The following AHCYL2 variants were observed in gnomAD, a reference collection of about 807,000 sequenced individuals.
The protein encoded by AHCYL2 is adenosylhomocysteinase like 2, also known as S-adenosylhomocysteine hydrolase-like protein 2.
AHCYL2 carries 28 observed loss-of-function variants against 81.4 expected under a neutral mutation model. The ratio of observed to expected loss-of-function variants is 0.34; its 90% CI spans 0.25 to 0.47. The LOEUF (loss-of-function observed/expected upper bound fraction) is 0.47, where lower values mean the gene tolerates loss of function less well. Among genes scored for constraint, AHCYL2 ranks in the 20% least tolerant of loss-of-function variants. The pLI is 1.00. For missense variants in AHCYL2, 551 were observed against 785.1 expected, an observed-to-expected ratio of 0.70 and a Z score of 3.56; for synonymous variants, 272 against 290.2, an observed-to-expected ratio of 0.94 and a Z score of 0.64.
rs1316934693 is a variant in AHCYL2, at chr7:129,344,916, A to G, written c.364-34722A>G. Among the ~76,000 whole-genome samples the G allele has an allele frequency of 3.9e-5, 6 of 152,204 alleles. 1 individual carries two copies. The highest frequency in any genetic ancestry group is 3.9e-4 in the Admixed American group (6 of 15,278). ...ACACCTGTAATCCCAGCACTTTGGG[A>G]GGCCGAGGCGGGTGGATCACCTGAG... On this transcript the variant is annotated intron_variant, in intron 1 of 16. Coordinates refer to ENST00000325006, the MANE Select transcript of AHCYL2 (RefSeq NM_015328.4).
intron 1 of AHCYL2, among the ~76,000 whole-genome samples, chr7:129,311,728 C>T (rs1278510854): frequency 6.6e-6 from 1 of 152,198 alleles, no homozygotes; most frequent in Admixed American, 6.5e-5. Flanking sequence ...CACACTGTCA[C>T]ATCTTACGTG....
At position 129,426,966 on chromosome 7, in the gene AHCYL2, A is replaced by C; in HGVS notation, c.1830-73A>C. The C allele has an allele frequency of 6.7e-7, 1 of 1,497,788 alleles. No homozygotes were observed. The highest frequency in any genetic ancestry group is 9.3e-7 in the Non-Finnish European group (1 of 1,078,050). The allele number at this position is 1,497,788 out of a possible 1,614,324, so 92.8% of individuals were successfully genotyped here. ...GTCTCTGCCTCCCTGTTACACCTTT[A>C]GGCAGGCTCTTCATGTCCCAGCATC... On this transcript the variant is annotated intron_variant, in intron 16 of 16. Coordinates refer to ENST00000325006, the MANE Select transcript of AHCYL2 (RefSeq NM_015328.4). This position sits in a 1 kb window ranked among gnomAD's most constrained non-coding sequence, Gnocchi z 4.3.
At chr7:129,327,482 T>C (rs1189649475) in intron 1 of AHCYL2, among the ~76,000 whole-genome samples, 11 of 152,306 alleles carry the variant, frequency 7.2e-5, no homozygotes. Context: ...AAAATATATA[T>C]CTGAGACGGA....
intron 1 of AHCYL2, among the ~76,000 whole-genome samples, chr7:129,274,424 A>G (rs1028075119): frequency 2.6e-5 from 4 of 152,178 alleles, no homozygotes; most frequent in African/African-American, 9.7e-5. Flanking sequence ...GTCTTAGAAG[A>G]GGGTGAGTGT....
Position 129,426,778 on chromosome 7 carries a change from T to G in AHCYL2, c.1829+215T>G, listed in dbSNP as rs148472450. ...TGGAGATAGAGAGGTGGAGTTTGGG[T>G]AAGTGGCTATTTGCCTCATTAAATA... On this transcript the variant is annotated intron_variant, in intron 16 of 16. Transcript: ENST00000325006. This position sits in a 1 kb window ranked among gnomAD's most constrained non-coding sequence, Gnocchi z 4.3. Among the ~76,000 whole-genome samples, 168 of 127,252 alleles carry G rather than the reference T, an allele frequency of 1.3e-3. 2 individuals are homozygous for G. The East Asian group carries it at 0.019, about 15-fold the overall frequency. The allele number at this position is 127,252 out of a possible 152,430, so 83.5% of individuals were successfully genotyped here. A position where few individuals can be genotyped will look rare whatever the true frequency, so the allele number is the denominator to read the frequency against.
chr7:129,289,353 G>A (rs1796754306), intron 1 of AHCYL2, among the ~76,000 whole-genome samples: 1 of 152,208 alleles, frequency 6.6e-6, no homozygotes, highest in South Asian at 2.1e-4. Flanking sequence ...TGGCCTCTCC[G>A]AGTGTTGAGA....
intron 1 of AHCYL2, among the ~76,000 whole-genome samples, chr7:129,248,858 T>C (rs1437126425): frequency 2.0e-5 from 3 of 152,202 alleles, no homozygotes; most frequent in African/African-American, 7.2e-5. Context: ...TCTTTAGCAG[T>C]ATTTTGTACT....
At chr7:129,369,192 A>G (rs1794251162) in intron 1 of AHCYL2, among the ~76,000 whole-genome samples, 1 of 145,302 alleles carries the variant, frequency 6.9e-6, no homozygotes, top group African/African-American at 2.7e-5. Context: ...ATATAAACCT[A>G]TTATATTGGA....
At chr7:129,243,018 C>CTTTTTTTTT (rs769701638) in intron 1 of AHCYL2, among the ~76,000 whole-genome samples, 1 of 125,592 alleles carries the variant, frequency 8.0e-6, no homozygotes, top group Non-Finnish European at 1.7e-5. Context: ...TATTGTTTCT[C>CTTTTTTTTT]TTTTTTTTTT....
At chr7:129,285,903 G>C (rs1164104397) in intron 1 of AHCYL2, among the ~76,000 whole-genome samples, 1 of 151,546 alleles carries the variant, frequency 6.6e-6, no homozygotes, top group Non-Finnish European at 1.5e-5. Flanking sequence ...TAGAGGCAGG[G>C]GTCTCTCTTT....
rs376594441 is a variant in AHCYL2, at chr7:129,368,529, C to T, written c.364-11109C>T. ...TGGGACGGTAATGAGGGCACCTCAGCTTTTCACATGCCTGAGTGGATGGTG... is the reference window on the plus strand; with the variant it reads ...TGGGACGGTAATGAGGGCACCTCAGTTTTTCACATGCCTGAGTGGATGGTG... On this transcript the variant is annotated intron_variant, in intron 1 of 16. Transcript: ENST00000325006. This position sits in a 1 kb window ranked among gnomAD's most constrained non-coding sequence, Gnocchi z 4.4. 17 of 1,613,930 alleles carry T rather than the reference C, an allele frequency of 1.1e-5. No homozygotes were observed. Among genetic ancestry groups the T allele is most frequent in the Non-Finnish European group, 1.4e-5 (17 of 1,179,902 alleles).
chr7:129,334,255 G>A (rs1206087217), intron 1 of AHCYL2, among the ~76,000 whole-genome samples: 4 of 152,170 alleles, frequency 2.6e-5, no homozygotes, highest in African/African-American at 9.7e-5. Context: ...GTTCTAATCT[G>A]GGCTGTGGGA....
intron 1 of AHCYL2, among the ~76,000 whole-genome samples, chr7:129,298,473 G>C (rs919619404): frequency 5.9e-5 from 9 of 152,210 alleles, no homozygotes; most frequent in Non-Finnish European, 1.3e-4. Flanking sequence ...AATTCACTTG[G>C]CATTTCATGA....
In AHCYL2 at chr7:129,359,287, G is replaced by C. The variant is rs561885252; in HGVS notation, c.364-20351G>C. On this transcript the variant is annotated intron_variant, in intron 1 of 16. Transcript: ENST00000325006. Reference sequence around the variant, plus strand: ...GATGTTTATATCAGGTTCAAAAATAGGCAGAACTGATCAGTGGTGACAAGA... The same window carrying C: ...GATGTTTATATCAGGTTCAAAAATACGCAGAACTGATCAGTGGTGACAAGA... Among the ~76,000 whole-genome samples, 247 of 152,242 alleles carry C rather than the reference G, an allele frequency of 1.6e-3. 1 individual carries two copies. Among genetic ancestry groups the C allele is most frequent in the Admixed American group, 5.4e-3 (82 of 15,296 alleles).
intron 1 of AHCYL2, among the ~76,000 whole-genome samples, chr7:129,321,478 T>A (rs535883947): frequency 6.6e-6 from 1 of 152,320 alleles, no homozygotes; most frequent in South Asian, 2.1e-4. Context: ...GATTTTCATA[T>A]GCCAGACCAA....
At chr7:129,253,064 C>G (rs1795295600) in intron 1 of AHCYL2, among the ~76,000 whole-genome samples, 1 of 151,940 alleles carries the variant, frequency 6.6e-6, no homozygotes, top group Non-Finnish European at 1.5e-5. Context: ...AAAAATTAGC[C>G]AGGTGTGGTG....
intron 4 of AHCYL2, among the ~76,000 whole-genome samples, chr7:129,392,821 T>A (rs1422979193): frequency 6.6e-6 from 1 of 152,272 alleles, no homozygotes; most frequent in Non-Finnish European, 1.5e-5. Flanking sequence ...CATGTCTTTT[T>A]AATCTTCATT....
intron 1 of AHCYL2, among the ~76,000 whole-genome samples, chr7:129,324,940 A>G (rs1158119800): frequency 6.6e-6 from 1 of 152,226 alleles, no homozygotes; most frequent in African/African-American, 2.4e-5. Flanking sequence ...CACATATAGT[A>G]TGTCAATCTT....
At position 129,365,683 on chromosome 7, in the gene AHCYL2, A is replaced by G. The variant is rs143982887; in HGVS notation, c.364-13955A>G. ...GATTGTCTTCTGGGAAAGGATTTGTAGAGGGTTAAGAGGCAGTGAAAATGA... is the reference window on the plus strand; with the variant it reads ...GATTGTCTTCTGGGAAAGGATTTGTGGAGGGTTAAGAGGCAGTGAAAATGA... On this transcript the variant is annotated intron_variant, in intron 1 of 16. Coordinates refer to ENST00000325006, the MANE Select transcript of AHCYL2 (RefSeq NM_015328.4). Among the ~76,000 whole-genome samples, 36 of 142,256 alleles carry G rather than the reference A, an allele frequency of 2.5e-4. 1 individual carries two copies. The East Asian group carries it at 7.7e-3, about 30-fold the overall frequency. The allele number at this position is 142,256 out of a possible 152,430, so 93.3% of individuals were successfully genotyped here.
Sources: gnomAD v4.1 joint callset for allele counts (sites outside exome capture counted in the v4.1 genomes callset) on GRCh38, gnomAD v4.1.1 for gene constraint, Gnocchi (gnomAD v3.1) non-coding constraint, MANE v1.5 for transcripts, NCBI Gene and HGNC (gene_info 2026-07-23, HGNC 2026-07-21) for gene names.